The following TTLL9 variants were observed in gnomAD, a reference collection of about 807,000 sequenced individuals.
The protein encoded by TTLL9 is probable tubulin polyglutamylase TTLL9.
TTLL9 carries 47 observed loss-of-function variants against 65.6 expected under a neutral mutation model. The ratio of observed to expected loss-of-function variants is 0.72; its 90% CI spans 0.57 to 0.91. The LOEUF is 0.91. Ranked by LOEUF, TTLL9 falls within the 40% of genes least tolerant of loss-of-function variation. The pLI, the probability that TTLL9 is intolerant of heterozygous loss-of-function variation, is 0.00. For synonymous variants in TTLL9, 179 were observed against 204.8 expected (o/e 0.87, Z 1.07); for missense variants, 537 against 568.8 (o/e 0.94, Z 0.57).
rs761905606 is a variant in TTLL9, at chr20:31,884,089, G to A, written c.70-3107G>A. ...TACCAGAACTAATCATTCAGCAAGG[G>A]CATCAAATACAAGGTCAATATACAA... is the stretch of plus-strand genomic sequence containing the variant. On this transcript the variant is annotated intron_variant, in intron 2 of 14. Transcript: ENST00000535842. 8 of 537,996 alleles carry A rather than the reference G, an allele frequency of 1.5e-5. No individual in the cohort carries two copies. The South Asian group carries it at 2.2e-4, about 15-fold the overall frequency. 33.3% of individuals were successfully genotyped at this position (537,996 alleles called of 1,614,324 possible).
At chr20:31,924,428 C>T (rs35170868) in intron 8 of TTLL9, among the ~76,000 whole-genome samples, 22 of 152,182 alleles carry the variant, frequency 1.4e-4, no homozygotes, top group Non-Finnish European at 1.6e-4. Context: ...GCCCAAGATC[C>T]TGCACCACTC....
At chr20:31,879,787 C>A in intron 2 of TTLL9, 1 of 1,542,512 alleles carries the variant, frequency 6.5e-7, no homozygotes, top group Non-Finnish European at 8.7e-7. Flanking sequence ...ATCAGAGCGG[C>A]GGATCCAGGC....
At chr20:31,898,023 C>T (rs113098379) in intron 3 of TTLL9, among the ~76,000 whole-genome samples, 7,591 of 152,178 alleles carry the variant, frequency 0.05, 270 homozygotes, top group Admixed American at 0.1. Context: ...ATGTAGTTCC[C>T]GTGGTCCTGA....
chr20:31,934,978 C>A, intron 12 of TTLL9, 90 bp downstream of exon 12: 1 of 1,261,690 alleles, frequency 7.9e-7, no homozygotes, highest in South Asian at 1.4e-5. Flanking sequence ...CTGCCAATTC[C>A]TAGTTGTATA....
At chr20:31,929,254 A>G (rs2063964831) in intron 10 of TTLL9, among the ~76,000 whole-genome samples, 1 of 152,216 alleles carries the variant, frequency 6.6e-6, no homozygotes, top group Admixed American at 6.5e-5. Flanking sequence ...GGAAACATTT[A>G]TTTTAAACTT....
chr20:31,882,377 T>G (rs2063130711), intron 2 of TTLL9, among the ~76,000 whole-genome samples: 1 of 152,132 alleles, frequency 6.6e-6, no homozygotes, highest in Non-Finnish European at 1.5e-5. Context: ...GCAAACTGGT[T>G]TCAGCATGGC....
In TTLL9 at chr20:31,937,518, G is replaced by A; in HGVS notation, c.1118+9G>A. The A allele has an allele frequency of 6.2e-7, 1 of 1,605,768 alleles. No homozygotes were observed. Among genetic ancestry groups the A allele is most frequent in the Non-Finnish European group, 8.5e-7 (1 of 1,173,564 alleles). On this transcript the variant is annotated intron_variant, in intron 13 of 14. Transcript: ENST00000535842. Reference sequence around the variant, plus strand: ...GTGGACATGGAAGCGAGGTGAGGGAGGGCAGCCTTGATCACATGTCCTTGT... The same window carrying A: ...GTGGACATGGAAGCGAGGTGAGGGAAGGCAGCCTTGATCACATGTCCTTGT...
intron 6 of TTLL9, among the ~76,000 whole-genome samples, chr20:31,916,923 G>T (rs150169425): frequency 6.6e-6 from 1 of 152,282 alleles, no homozygotes; most frequent in East Asian, 1.9e-4. Context: ...TGCAAGGGAA[G>T]CTGGGAAAAC....
rs555434314 is a variant in TTLL9 at position 31,898,474 on chromosome 20, G to A, written c.115G>A (p.Glu39Lys). 29 of 1,614,028 alleles carry A rather than the reference G, an allele frequency of 1.8e-5. No homozygotes were observed. In the South Asian group the frequency reaches 3.0e-4, roughly 17 times the overall value. The change falls in exon 4 of 15, where the codon GAG becomes AAG. Residue 39 changes from glutamate to lysine, a missense_variant and splice_region_variant. By Grantham distance (56) the Glu-to-Lys change is moderately conservative. Around this residue, in one of 3 missense-constraint regions of TTLL9, gnomAD observed 320 missense variants for 311.0 expected, o/e 1.03. Transcript: ENST00000535842. ...GHGLSKGKER[E>K]QRASIRFKTT... ...AATGTTCATTGCCTTGTCTTGCAGA[G>A]AGCAGAGAGCATCGATCCGGTTCAA... is the stretch of plus-strand genomic sequence containing the variant.
intron 3 of TTLL9, among the ~76,000 whole-genome samples, chr20:31,897,073 A>G (rs546747029): frequency 3.7e-4 from 56 of 152,202 alleles, no homozygotes; most frequent in Non-Finnish European, 7.4e-4. Context: ...CTCCTCTTCT[A>G]TTTTCTGGAA....
intron 2 of TTLL9, among the ~76,000 whole-genome samples, chr20:31,880,284 C>A (rs1638331659): frequency 6.6e-6 from 1 of 152,140 alleles, no homozygotes; most frequent in Non-Finnish European, 1.5e-5. Context: ...TCCATCCATC[C>A]ATCCATCCGT....
intron 3 of TTLL9, among the ~76,000 whole-genome samples, chr20:31,890,491 C>T (rs1378327971): frequency 6.6e-6 from 1 of 152,136 alleles, no homozygotes. Flanking sequence ...ACCCATCTTC[C>T]TGTGGAAAGG....
chr20:31,926,684 G>T (rs1365221733), intron 10 of TTLL9, among the ~76,000 whole-genome samples: 1 of 152,206 alleles, frequency 6.6e-6, no homozygotes, highest in Non-Finnish European at 1.5e-5. Flanking sequence ...ATACTATGAA[G>T]CTGTTAAAAA....
At chr20:31,936,088 G>A (rs141972163) in intron 12 of TTLL9, among the ~76,000 whole-genome samples, 1 of 152,300 alleles carries the variant, frequency 6.6e-6, no homozygotes, top group African/African-American at 2.4e-5. Flanking sequence ...GTGGAAAGGG[G>A]CTTGGTCTCC....
intron 10 of TTLL9, 45 bp from the exon 11 acceptor site, chr20:31,933,755 C>T: frequency 6.3e-7 from 1 of 1,596,952 alleles, no homozygotes; most frequent in Non-Finnish European, 8.6e-7. Flanking sequence ...GGGCAGAGCT[C>T]ACCCTTTTTG....
intron 2 of TTLL9, chr20:31,884,215 GTTA>G (rs1343542568): frequency 5.1e-6 from 2 of 392,646 alleles, no homozygotes; most frequent in Admixed American, 9.1e-5. Flanking sequence ...TTACCTTATA[GTTA>G]TTATTTATTT....
Position 31,923,049 on chromosome 20 carries a change from A to G in TTLL9, c.660A>G (p.Ile220Met). 1 of 1,611,882 alleles carries G rather than the reference A, an allele frequency of 6.2e-7. No homozygotes were observed. Reference protein sequence around the residue: ...AQRYIENPYLIGGRKFDLRVY... With the variant: ...AQRYIENPYLMGGRKFDLRVY... ...GTTACATTGAAAATCCTTACCTGAT[A>G]GGAGGTGAGATGGCTGTGTCTGCTC... The change falls in exon 8 of 15, where the codon ATA becomes ATG. Residue 220 changes from isoleucine (I) to methionine (M), a missense_variant. By Grantham distance (10) the Ile-to-Met change is conservative. This residue lies in a region of TTLL9 where 320 missense variants were observed against 311.0 expected (regional missense o/e 1.03). Transcript: ENST00000535842.
chr20:31,934,203 C>A, intron 11 of TTLL9: 1 of 483,648 alleles, frequency 2.1e-6, no homozygotes, highest in Non-Finnish European at 3.9e-6. Flanking sequence ...TGTAAAATAA[C>A]CTGCAAGGCC....
At chr20:31,914,478 A>AAATACAGTAC (rs1423360703) in intron 6 of TTLL9, among the ~76,000 whole-genome samples, 1 of 152,248 alleles carries the variant, frequency 6.6e-6, no homozygotes, top group Non-Finnish European at 1.5e-5. Context: ...TAAAAACATA[A>AAATACAGTAC]AATACAGTAC....
Sources: gnomAD v4.1 joint callset for allele counts (sites outside exome capture counted in the v4.1 genomes callset) on GRCh38, gnomAD v4.1.1 for gene constraint, gnomAD v4.1.1 regional missense constraint, MANE v1.5 for transcripts, NCBI Gene and HGNC (gene_info 2026-07-23, HGNC 2026-07-21) for gene names.